IDE: variants seen among roughly 807,000 people sequenced by gnomAD.
IDE encodes insulin degrading enzyme, also known as insulin-degrading enzyme.
In IDE, 58 loss-of-function variants were observed where a neutral mutation model predicts 133.2. The ratio of observed to expected loss-of-function variants is 0.44; its 90% CI spans 0.35 to 0.54. The LOEUF (loss-of-function observed/expected upper bound fraction) is 0.54, where lower values mean the gene tolerates loss of function less well. Ranked by LOEUF, IDE falls within the 20% of genes least tolerant of loss-of-function variation. IDE has a pLI of 0.00. For synonymous variants in IDE, 396 were observed against 421.3 expected (o/e 0.94, Z 0.73); for missense variants, 981 against 1,234.0 (o/e 0.79, Z 3.07).
At chr10:92,480,362 G>A (rs747231744) in intron 14 of IDE, among the ~76,000 whole-genome samples, 2 of 152,304 alleles carry the variant, frequency 1.3e-5, no homozygotes, top group South Asian at 4.1e-4. Context: ...CAAATTCCCT[G>A]ACCTCAGAGT....
intron 14 of IDE, among the ~76,000 whole-genome samples, chr10:92,482,620 TC>T (rs1846679554): frequency 6.6e-6 from 1 of 152,130 alleles, no homozygotes; most frequent in African/African-American, 2.4e-5. Flanking sequence ...CAATGAGTCT[TC>T]TTCTGGGTAA....
rs768511146 is a variant in IDE, at chr10:92,508,098, T to A, written c.1153+15A>T. ...AAATTTTCATTCAAAAGTAAAAAGG[T>A]GAATCAATACTTACATAATCCTTCC... On this transcript the variant is annotated intron_variant, in intron 8 of 24. Transcript: ENST00000265986. The A allele has an allele frequency of 6.4e-7, 1 of 1,553,956 alleles. No homozygotes were observed. The highest frequency in any genetic ancestry group is 8.8e-7 in the Non-Finnish European group (1 of 1,130,666).
intron 6 of IDE, among the ~76,000 whole-genome samples, 164 bp from the exon 7 acceptor site, chr10:92,509,054 T>C (rs922805328): frequency 7.2e-5 from 11 of 152,166 alleles, no homozygotes; most frequent in Non-Finnish European, 1.6e-4. Context: ...GACTCAGCAC[T>C]CTCCTAGTGG....
At chr10:92,472,690 G>A (rs1397735143) in intron 17 of IDE, among the ~76,000 whole-genome samples, 1 of 148,740 alleles carries the variant, frequency 6.7e-6, no homozygotes, top group Admixed American at 6.7e-5. Flanking sequence ...CCAGGCTGGA[G>A]TGCAGTGGCA....
In IDE at chr10:92,453,454, T is replaced by G. The variant is rs990275227; in HGVS notation, c.*990A>C. The G allele has an allele frequency of 6.6e-6, 1 of 152,204 alleles. No homozygotes were observed. Among genetic ancestry groups the G allele is most frequent in the Non-Finnish European group, 1.5e-5 (1 of 68,034 alleles). 9.4% of individuals were successfully genotyped at this position (152,204 alleles called of 1,614,324 possible). On this transcript the variant is annotated 3_prime_UTR_variant, in exon 25 of 25. Transcript: ENST00000265986. ...TATAAGAATGCAAGGCTTTACTTTT[T>G]ATATTTCCAAAAAGGTGGCTTTGTA...
intron 13 of IDE, among the ~76,000 whole-genome samples, chr10:92,484,648 G>T (rs1435366912): frequency 1.3e-5 from 2 of 151,322 alleles, no homozygotes; most frequent in East Asian, 3.9e-4. Context: ...CATGAGAATA[G>T]CTTGAACCTG....
At chr10:92,527,738 C>T (rs1327843381) in intron 4 of IDE, among the ~76,000 whole-genome samples, 11 of 152,094 alleles carry the variant, frequency 7.2e-5, no homozygotes, top group Admixed American at 5.9e-4. Flanking sequence ...AGAACATGGC[C>T]GGGCACGGTG....
chr10:92,541,904 C>T (rs1022802941), intron 1 of IDE, among the ~76,000 whole-genome samples: 3 of 152,146 alleles, frequency 2.0e-5, no homozygotes, highest in Non-Finnish European at 4.4e-5. Flanking sequence ...TAGATCCCCT[C>T]ATCTTACATA....
At chr10:92,458,063 C>G (rs951747456) in intron 22 of IDE, among the ~76,000 whole-genome samples, 3 of 152,212 alleles carry the variant, frequency 2.0e-5, no homozygotes, top group South Asian at 4.1e-4. Context: ...CATCAGCAGA[C>G]AGCAGAACAC....
chr10:92,519,727 T>C (rs1051749577), intron 4 of IDE, among the ~76,000 whole-genome samples: 1 of 152,232 alleles, frequency 6.6e-6, no homozygotes, highest in African/African-American at 2.4e-5. Context: ...GCAGGTTTCT[T>C]AACCTCTCTT....
intron 4 of IDE, among the ~76,000 whole-genome samples, chr10:92,528,204 A>G (rs1849729563): frequency 6.6e-6 from 1 of 152,224 alleles, no homozygotes; most frequent in African/African-American, 2.4e-5. Context: ...TAGCCAAACA[A>G]AAGTGATAGT....
chr10:92,459,243 C>G, intron 22 of IDE, among the ~76,000 whole-genome samples: 1 of 152,190 alleles, frequency 6.6e-6, no homozygotes, highest in East Asian at 1.9e-4. Flanking sequence ...CTCAAAGAAA[C>G]TATCAGCACC....
intron 2 of IDE, among the ~76,000 whole-genome samples, chr10:92,537,011 C>T (rs1254478093): frequency 4.0e-5 from 6 of 150,576 alleles, no homozygotes; most frequent in South Asian, 4.2e-4. Flanking sequence ...GCACTCCAGC[C>T]TGGCGACAGA....
chr10:92,537,249 T>A, intron 2 of IDE, 117 bp downstream of exon 2: 1 of 695,600 alleles, frequency 1.4e-6, no homozygotes, highest in Non-Finnish European at 2.3e-6. Context: ...TGGTATAAAA[T>A]AAGGTACATG....
chr10:92,470,480 G>T, intron 17 of IDE, 135 bp from the exon 18 acceptor site: 1 of 461,372 alleles, frequency 2.2e-6, no homozygotes, highest in South Asian at 5.6e-5. Flanking sequence ...TTTCCCTAAT[G>T]TTAACATCTT....
chr10:92,453,284 G>GA lies in IDE; in HGVS notation c.*1159dup, dbSNP rs1204017720. 4.6e-5 allele frequency: 7 copies of GA among 152,004 alleles called. No individual in the cohort carries two copies. Among genetic ancestry groups the GA allele is most frequent in the Non-Finnish European group, 7.4e-5 (5 of 67,998 alleles). The allele number at this position is 152,004 out of a possible 1,614,324, so 9.4% of individuals were successfully genotyped here. A position where few individuals can be genotyped will look rare whatever the true frequency, so the allele number is the denominator to read the frequency against. On this transcript the variant is annotated 3_prime_UTR_variant, in exon 25 of 25. Coordinates refer to ENST00000265986, the MANE Select transcript of IDE (RefSeq NM_004969.4). ...AATTTCACCTAAAATAGTATCTCATGAAAAAAATATTTTTTTAAAAGTCTA... is the reference window on the plus strand; with the variant it reads ...AATTTCACCTAAAATAGTATCTCATGAAAAAAAATATTTTTTTAAAAGTCTA...
chr10:92,531,208 T>C (rs1243212856), intron 4 of IDE, among the ~76,000 whole-genome samples: 3 of 152,216 alleles, frequency 2.0e-5, no homozygotes, highest in African/African-American at 7.2e-5. Flanking sequence ...GGTACAATTA[T>C]AAAGTCAAGA....
At chr10:92,503,189 T>C (rs1393424012) in intron 11 of IDE, among the ~76,000 whole-genome samples, 4 of 152,132 alleles carry the variant, frequency 2.6e-5, no homozygotes, top group African/African-American at 9.7e-5. Context: ...TCCCAGCACT[T>C]TGTGGGGCTA....
At chr10:92,510,297 C>T (rs1848514830) in intron 5 of IDE, 135 bp from the exon 6 acceptor site, 2 of 438,432 alleles carry the variant, frequency 4.6e-6, no homozygotes, top group Admixed American at 4.0e-5. Context: ...ACACCTCACA[C>T]CTATCTGTTT....
Sources: gnomAD v4.1 joint callset for allele counts (sites outside exome capture counted in the v4.1 genomes callset) on GRCh38, gnomAD v4.1.1 for gene constraint, MANE v1.5 for transcripts, NCBI Gene and HGNC (gene_info 2026-07-23, HGNC 2026-07-21) for gene names.